Variants in TAF1A observed in about 807,000 individuals in gnomAD.
The protein encoded by TAF1A is TATA-box binding protein associated factor, RNA polymerase I subunit A, also known as TATA box-binding protein-associated factor RNA polymerase I subunit A.
Under a neutral mutation model 61.6 loss-of-function variants are expected in TAF1A, and 42 were observed. That is an observed-to-expected ratio of 0.68 (90% confidence interval 0.53 to 0.88). TAF1A has a LOEUF of 0.88. Ranked by LOEUF, TAF1A falls within the 40% of genes least tolerant of loss-of-function variation. The pLI, the probability that TAF1A is intolerant of heterozygous loss-of-function variation, is 0.00. For missense variants in TAF1A, 424 were observed against 518.7 expected (o/e 0.82, Z 1.77); for synonymous variants, 179 against 177.7 (o/e 1.01, Z -0.06).
chr1:222,581,346 C>T (rs895875119), intron 3 of TAF1A, among the ~76,000 whole-genome samples: 2 of 152,014 alleles, frequency 1.3e-5, no homozygotes, highest in Non-Finnish European at 2.9e-5. Flanking sequence ...AATGGTTAAA[C>T]TTTTTTTTCA....
chr1:222,586,881 T>C (rs1017231960), intron 2 of TAF1A, among the ~76,000 whole-genome samples: 2 of 152,252 alleles, frequency 1.3e-5, no homozygotes, highest in African/African-American at 4.8e-5. Context: ...TCAATATTAA[T>C]TGCAAGTATT....
chr1:222,585,361 CA>C (rs1247739079), intron 2 of TAF1A, among the ~76,000 whole-genome samples: 3 of 150,868 alleles, frequency 2.0e-5, no homozygotes, highest in Non-Finnish European at 4.4e-5. Context: ...AAAAAAATAG[CA>C]GAATCAATGC....
downstream of TAF1A, among the ~76,000 whole-genome samples, chr1:222,557,688 C>T (rs1305086472): frequency 2.6e-5 from 4 of 151,714 alleles, no homozygotes; most frequent in African/African-American, 9.7e-5. Flanking sequence ...ATCTCTTGAC[C>T]TCATGATCTT....
At chr1:222,588,394 T>A in intron 2 of TAF1A, 49 bp downstream of exon 2, 1 of 1,595,166 alleles carries the variant, frequency 6.3e-7, no homozygotes, top group Non-Finnish European at 8.5e-7. Flanking sequence ...CTATTGAATC[T>A]TACCACCTCC....
rs1300033061 is a variant in TAF1A, at chr1:222,584,275, C to T, written c.144G>A (p.Lys48=). The stretch of plus-strand genomic sequence containing the variant: ...AAGCACTTGTTGTCTGAGCAAAATC[C>T]TTCCTCCTTTTCCCTCCAATGGCTA... The part of the protein sequence containing the change: ...ETVAIGGKRR[K]DFAQTTSACL... Residue 48 remains lysine, a synonymous_variant, in exon 3 of 11, where the codon AAG becomes AAA. Transcript: ENST00000352967. 3 of 1,605,056 alleles carry T rather than the reference C, an allele frequency of 1.9e-6. No homozygotes were observed. The highest frequency in any genetic ancestry group is 2.5e-6 in the Non-Finnish European group (3 of 1,177,640).
intron 2 of TAF1A, among the ~76,000 whole-genome samples, chr1:222,585,008 T>A (rs948117818): frequency 1.1e-4 from 17 of 152,208 alleles, no homozygotes; most frequent in African/African-American, 3.4e-4. Context: ...CTTGCAGATA[T>A]TTGATTTCCT....
rs1401066324 is a variant in TAF1A, at chr1:222,584,512, G to A, written c.122-215C>T. 2.0e-5 allele frequency among the ~76,000 whole-genome samples: 3 copies of A among 151,784 alleles called. No individual in the cohort carries two copies. In the East Asian group the frequency reaches 5.8e-4, roughly 29 times the overall value. ...AAAAACATTTCTAATTTGATGTTTT[G>A]GGGCTACTAGAGTCACCAGATCCTT... On this transcript the variant is annotated intron_variant, in intron 2 of 10. Coordinates refer to ENST00000352967, the MANE Select transcript of TAF1A (RefSeq NM_005681.4).
chr1:222,585,452 T>A (rs3008645), intron 2 of TAF1A, among the ~76,000 whole-genome samples: 2 of 146,662 alleles, frequency 1.4e-5, no homozygotes. Flanking sequence ...TAGATAACTT[T>A]ATTAAAAAAA....
chr1:222,569,696 G>A (rs1269390075), intron 6 of TAF1A, 28 bp from the exon 7 acceptor site: 1 of 1,586,236 alleles, frequency 6.3e-7, no homozygotes, highest in African/African-American at 1.4e-5. Flanking sequence ...TAATATCTTA[G>A]CTGAATTCTG....
downstream of TAF1A, among the ~76,000 whole-genome samples, chr1:222,556,593 T>G (rs1659729565): frequency 6.6e-6 from 1 of 152,210 alleles, no homozygotes; most frequent in Non-Finnish European, 1.5e-5. Flanking sequence ...CAATTTTAGC[T>G]ATTACTGTTA....
At chr1:222,579,613 G>T in intron 4 of TAF1A, 146 bp downstream of exon 4, 1 of 960,406 alleles carries the variant, frequency 1.0e-6, no homozygotes, top group Non-Finnish European at 1.5e-6. Context: ...TTCTCATAAC[G>T]CTCTTTTCTT....
chr1:222,556,578 A>G (rs1659729412), downstream of TAF1A, among the ~76,000 whole-genome samples: 1 of 152,194 alleles, frequency 6.6e-6, no homozygotes, highest in Non-Finnish European at 1.5e-5. Flanking sequence ...ATGAAAGGTA[A>G]AGCCCAATTT....
rs542370850 is a variant in TAF1A at position 222,583,392 on chromosome 1, G to A, written c.291+736C>T. On this transcript the variant is annotated intron_variant, in intron 3 of 10. Coordinates refer to ENST00000352967, the MANE Select transcript of TAF1A (RefSeq NM_005681.4). ...ATACATTGAATTGTACAATTTAAGT[G>A]GGTGATGGCGTATAAAAAACGTCTT... is the stretch of plus-strand genomic sequence containing the variant. 2.7e-5 allele frequency among the ~76,000 whole-genome samples: 4 copies of A among 148,716 alleles called. No individual in the cohort carries two copies. In the South Asian group the frequency reaches 8.7e-4, roughly 32 times the overall value.
intron 1 of TAF1A, 21 bp downstream of exon 1, chr1:222,589,706 G>T: frequency 4.8e-6 from 1 of 206,634 alleles, no homozygotes; most frequent in East Asian, 1.1e-4. Context: ...AGGAACCACG[G>T]GCGATATCTG....
intron 7 of TAF1A, among the ~76,000 whole-genome samples, chr1:222,564,664 A>G (rs1461459023): frequency 1.3e-5 from 2 of 152,082 alleles, no homozygotes; most frequent in African/African-American, 4.8e-5. Context: ...AAAATTAAAG[A>G]TTTTTCTTTT....
At position 222,570,556 on chromosome 1, in the gene TAF1A, A is replaced by T; in HGVS notation, c.714T>A (p.Pro238=). ...TTACTTCTACATAACTCTTCACAAA[A>T]GGGTCCCAAACTCCAGGAATTTTAA... ...ALIKIPGVWD[P]FVKSYVEMLE... Residue 238 remains proline (P), a synonymous_variant, in exon 6 of 11, where the codon CCT becomes CCA. Transcript: ENST00000352967. 1 of 1,610,920 alleles carries T rather than the reference A, an allele frequency of 6.2e-7. No individual in the cohort carries two copies. Among genetic ancestry groups the T allele is most frequent in the Non-Finnish European group, 8.5e-7 (1 of 1,177,948 alleles).
chr1:222,567,184 A>C (rs1660150130), intron 7 of TAF1A, among the ~76,000 whole-genome samples: 1 of 152,266 alleles, frequency 6.6e-6, no homozygotes, highest in Non-Finnish European at 1.5e-5. Flanking sequence ...GCTAAGTGAA[A>C]TTAGCAAGAC....
At chr1:222,576,317 T>A (rs1558149498) in intron 5 of TAF1A, among the ~76,000 whole-genome samples, 1 of 151,518 alleles carries the variant, frequency 6.6e-6, no homozygotes, top group Non-Finnish European at 1.5e-5. Context: ...GGGAAGGGAA[T>A]CGAAATTAGT....
intron 3 of TAF1A, among the ~76,000 whole-genome samples, chr1:222,580,740 G>C (rs1034264167): frequency 2.0e-5 from 3 of 150,108 alleles, no homozygotes; most frequent in African/African-American, 7.4e-5. Context: ...TACCACCAGG[G>C]ATGGGTAAAT....
Sources: allele counts gnomAD v4.1 joint callset (sites outside exome capture counted in the v4.1 genomes callset), GRCh38; gene constraint gnomAD v4.1.1; transcripts MANE v1.5; gene names NCBI Gene and HGNC (gene_info 2026-07-23, HGNC 2026-07-21).